GDPD2: variants seen among roughly 807,000 people sequenced by gnomAD.
The protein encoded by GDPD2 is glycerophosphodiester phosphodiesterase domain containing 2.
Under a neutral mutation model 49.2 loss-of-function variants are expected in GDPD2, and 23 were observed. The observed-to-expected ratio is 0.47, with a 90% CI of 0.34 to 0.66. The LOEUF is 0.66. Among genes scored for constraint, GDPD2 ranks in the 30% least tolerant of loss-of-function variants. The pLI is 0.01. For synonymous variants in GDPD2, 167 were observed against 171.4 expected (o/e 0.97, Z 0.20); for missense variants, 338 against 424.7 (o/e 0.80, Z 1.79).
chrX:70,426,286 G>A, intron 5 of GDPD2, 85 bp from the exon 6 acceptor site: 1 of 869,491 alleles, frequency 1.2e-6, no homozygotes, highest in South Asian at 2.2e-5. Flanking sequence ...GAAGGGTCGG[G>A]TCCCATCTCT....
rs754507273 is a variant in GDPD2 at position 70,426,008 on chromosome X, TCCCCTCTTGGCACCC to T, written c.304-42_304-28del. 2.7e-6 allele frequency: 3 copies of T among 1,121,368 alleles called. No individual in the cohort carries two copies. The South Asian group carries it at 5.5e-5, about 20-fold the overall frequency. 92.4% of individuals were successfully genotyped at this position (1,121,368 alleles called of 1,213,427 possible). On this transcript the variant is annotated intron_variant, in intron 4 of 15. Transcript: ENST00000374382. ...GGGAAGCCCACCTCAGTAACCTTGC[TCCCCTCTTGGCACCC>T]CATAAGTCCCACTGCTCTCTTCCTC...
rs1247036260 is a variant in GDPD2 at position 70,426,892 on chromosome X, T to C, written c.583T>C (p.Phe195Leu). Residue 195 changes from phenylalanine (F) to leucine (L), a missense_variant, in exon 8 of 16, where the codon TTT becomes CTT. Phe to Leu is a conservative substitution (Grantham distance 22, BLOSUM62 0). Coordinates refer to ENST00000374382, the MANE Select transcript of GDPD2 (RefSeq NM_017711.4). ...RGPKILLLLL[F>L]FGVVLVIYLA... ...TCCCAAGATTCTGCTACTGCTCCTA[T>C]TTTTTGGAGTTGTCCTGGTCATCTA... 1 of 1,209,401 alleles carries C rather than the reference T, an allele frequency of 8.3e-7. No individual in the cohort carries two copies. Among genetic ancestry groups the C allele is most frequent in the Non-Finnish European group, 1.1e-6 (1 of 893,441 alleles).
At position 70,425,429 on chromosome X, in the gene GDPD2, C is replaced by T. The variant is rs1247387702; in HGVS notation, c.181C>T (p.Leu61Phe). 8.4e-7 allele frequency: 1 copy of T among 1,191,225 alleles called. No individual in the cohort carries two copies. The highest frequency in any genetic ancestry group is 1.8e-5 in the South Asian group (1 of 56,476). ...GAGCTGGCTGTACATCGGGCTCGTC[C>T]TTCTCAATGACCTGCACAACTTCAA... ...SLSWLYIGLVLLNDLHNFNEF... is the reference protein window; with the variant it reads ...SLSWLYIGLVFLNDLHNFNEF... The change falls in exon 3 of 16, where the codon CTT becomes TTT. Residue 61 changes from leucine to phenylalanine, a missense_variant. Leu to Phe is a conservative substitution (Grantham distance 22). Coordinates refer to ENST00000374382, the MANE Select transcript of GDPD2 (RefSeq NM_017711.4).
chrX:70,427,322 G>C lies in GDPD2; in HGVS notation c.795G>C (p.Gly265=). The C allele has an allele frequency of 1.7e-6, 2 of 1,210,832 alleles. No homozygotes were observed. Among genetic ancestry groups the C allele is most frequent in the Non-Finnish European group, 2.2e-6 (2 of 894,931 alleles). Residue 265 remains glycine, a synonymous_variant, in exon 10 of 16, where the codon GGG becomes GGC. Transcript: ENST00000374382. ...CCCCTTGTGCCCTCAGCTCCGATGG[G>C]GTCCCCTTCCTCATGCATGATGAGC... ...FETDVMVSSD[G]VPFLMHDEHL...
At chrX:70,427,545 C>A in intron 10 of GDPD2, 82 bp downstream of exon 10, 1 of 839,433 alleles carries the variant, frequency 1.2e-6, no homozygotes, top group Non-Finnish European at 1.7e-6. Context: ...TAAGCATTTG[C>A]TCAGCCCTGT....
intron 10 of GDPD2, chrX:70,427,881 G>A (rs189672531): frequency 3.3e-3 from 390 of 118,646 alleles, no homozygotes; most frequent in Non-Finnish European, 4.0e-3. Context: ...GAAGAGCTCC[G>A]AATGCCTGGC....
chrX:70,428,224 TACA>T (rs892854228), intron 10 of GDPD2, among the ~76,000 whole-genome samples: 25 of 111,781 alleles, frequency 2.2e-4, no homozygotes, highest in Admixed American at 1.5e-3. Flanking sequence ...AGAGTACCCA[TACA>T]ACAATTGTTT....
chrX:70,426,260 ATG>A, intron 5 of GDPD2, 109 bp from the exon 6 acceptor site: 1 of 784,594 alleles, frequency 1.3e-6, no homozygotes, highest in Non-Finnish European at 1.9e-6. Flanking sequence ...AGGAAAGCAG[ATG>A]TGTCAGGGGA....
intron 10 of GDPD2, among the ~76,000 whole-genome samples, chrX:70,428,117 A>T (rs923214692): frequency 1.8e-5 from 2 of 110,199 alleles, no homozygotes; most frequent in Admixed American, 9.7e-5. Context: ...ACACACACAC[A>T]CACTCACACA....
At chrX:70,425,173 G>T in intron 2 of GDPD2, 84 bp downstream of exon 2, 1 of 716,592 alleles carries the variant, frequency 1.4e-6, no homozygotes, top group South Asian at 2.5e-5. Flanking sequence ...TGTGCTCATA[G>T]ACAGCTTGGG....
In GDPD2 at chrX:70,433,091, C is replaced by T; in HGVS notation, c.*5C>T. ...AACAATTTCATGATGGAGTGAATGC[C>T]CTGCCCTGCTTCCCCACCCAAGCCA... On this transcript the variant is annotated 3_prime_UTR_variant, in exon 16 of 16. Coordinates refer to ENST00000374382, the MANE Select transcript of GDPD2 (RefSeq NM_017711.4). 1 of 1,183,784 alleles carries T rather than the reference C, an allele frequency of 8.4e-7. No homozygotes were observed.
chrX:70,425,990 C>T, intron 4 of GDPD2, 62 bp from the exon 5 acceptor site: 1 of 1,019,639 alleles, frequency 9.8e-7, no homozygotes. Context: ...CCTGGGAAGC[C>T]CACCTCAGTA....
chrX:70,426,236 T>C (rs1602833793), intron 5 of GDPD2, 125 bp downstream of exon 5: 3 of 778,099 alleles, frequency 3.9e-6, no homozygotes, highest in South Asian at 4.5e-5. Context: ...GCCCAGTAAG[T>C]GTTGAGTGAA....
Position 70,425,000 on chromosome X carries a change from G to C in GDPD2, c.16G>C (p.Gly6Arg), listed in dbSNP as rs752152036. 1.7e-6 allele frequency: 2 copies of C among 1,194,469 alleles called. No individual in the cohort carries two copies. The highest frequency in any genetic ancestry group is 3.0e-5 in the East Asian group (1 of 33,310). MAESP[G>R]CCSVWARCLH... ...GGCCTTCACCATGGCCGAGTCCCCC[G>C]GCTGCTGCTCCGTCTGGGCCCGCTG... is the stretch of plus-strand genomic sequence containing the variant. The change falls in exon 2 of 16, where the codon GGC becomes CGC. Residue 6 changes from glycine to arginine, a missense_variant. This residue lies in a region of GDPD2 where 75 missense variants were observed against 67.6 expected (regional missense o/e 1.11). Coordinates refer to ENST00000374382, the MANE Select transcript of GDPD2 (RefSeq NM_017711.4).
intron 12 of GDPD2, among the ~76,000 whole-genome samples, chrX:70,432,090 C>T (rs1347853192): frequency 9.0e-6 from 1 of 111,404 alleles, no homozygotes. Flanking sequence ...TTGTGTGGCC[C>T]CAGATAGCAA....
In GDPD2 at chrX:70,426,354, C is replaced by A; in HGVS notation, c.364-17C>A. 1 of 1,202,209 alleles carries A rather than the reference C, an allele frequency of 8.3e-7. No individual in the cohort carries two copies. The highest frequency in any genetic ancestry group is 1.1e-6 in the Non-Finnish European group (1 of 887,506). On this transcript the variant is annotated splice_polypyrimidine_tract_variant and intron_variant, in intron 5 of 15. Coordinates refer to ENST00000374382, the MANE Select transcript of GDPD2 (RefSeq NM_017711.4). The stretch of plus-strand genomic sequence containing the variant: ...CCCAAATTGACCAAGAGGCCTCATT[C>A]ATCCCTGGCCCCCCAGGTGCTGCTG...
chrX:70,431,718 T>TATAAA (rs751572502), intron 12 of GDPD2, among the ~76,000 whole-genome samples: 12 of 111,932 alleles, frequency 1.1e-4, no homozygotes, highest in Non-Finnish European at 2.1e-4. Flanking sequence ...ACCCCGTCTC[T>TATAAA]ATAAAATAAA....
At chrX:70,427,242 G>A (rs368637724) in intron 9 of GDPD2, 23 bp downstream of exon 9, 80 of 1,193,876 alleles carry the variant, frequency 6.7e-5, no homozygotes, top group Non-Finnish European at 8.7e-5. Flanking sequence ...GGGGCTTAGG[G>A]GATCTGGGGG....
Position 70,427,193 on chromosome X carries a change from T to C in GDPD2, c.759T>C (p.Thr253=). The C allele has an allele frequency of 8.3e-7, 1 of 1,206,643 alleles. No individual in the cohort carries two copies. Among genetic ancestry groups the C allele is most frequent in the Non-Finnish European group, 1.1e-6 (1 of 891,093 alleles). The part of the protein sequence containing the change: ...SLRKTAECGA[T]VFETDVMVSS... ...GGAAGACAGCTGAATGCGGAGCTAC[T>C]GTGTTTGAGACTGATGTGATGGTCA... Residue 253 remains threonine, a synonymous_variant, in exon 9 of 16, where the codon ACT becomes ACC. Coordinates refer to ENST00000374382, the MANE Select transcript of GDPD2 (RefSeq NM_017711.4).
Sources: allele counts gnomAD v4.1 joint callset (sites outside exome capture counted in the v4.1 genomes callset), GRCh38; gene constraint gnomAD v4.1.1; regional missense constraint gnomAD v4.1.1; transcripts MANE v1.5; gene names NCBI Gene and HGNC (gene_info 2026-07-23, HGNC 2026-07-21).